INPP5A: variants seen among roughly 807,000 people sequenced by gnomAD.
INPP5A encodes 43 kDa inositol polyphosphate 5-phophatase.
A neutral mutation model predicts 65.2 loss-of-function variants in INPP5A; 14 were observed. That is an observed-to-expected ratio of 0.21 (90% confidence interval 0.14 to 0.34). INPP5A has a LOEUF of 0.34. Among genes scored for constraint, INPP5A ranks in the 10% least tolerant of loss-of-function variants. INPP5A has a pLI of 1.00. For missense variants in INPP5A, 431 were observed against 545.6 expected (o/e 0.79, Z 2.09); for synonymous variants, 207 against 208.3 (o/e 0.99, Z 0.05).
At chr10:132,728,437 G>A (rs951605693) in intron 9 of INPP5A, among the ~76,000 whole-genome samples, 1 of 152,232 alleles carries the variant, frequency 6.6e-6, no homozygotes. Context: ...GAGGCTGTGC[G>A]GGACCCGGGA....
chr10:132,597,632 A>T (rs2071720748), intron 1 of INPP5A, among the ~76,000 whole-genome samples: 1 of 152,226 alleles, frequency 6.6e-6, no homozygotes, highest in Non-Finnish European at 1.5e-5. Flanking sequence ...CTGTATTAAC[A>T]TCTGTGTGCA....
intron 8 of INPP5A, among the ~76,000 whole-genome samples, chr10:132,719,831 A>G (rs866576007): frequency 0.017 from 995 of 57,002 alleles, no homozygotes; most frequent in Middle Eastern, 0.092. Flanking sequence ...ACCTTAGACG[A>G]CTGTCTTCAG....
intron 11 of INPP5A, among the ~76,000 whole-genome samples, chr10:132,750,255 TG>T (rs1443554032): frequency 1.3e-5 from 2 of 152,214 alleles, no homozygotes; most frequent in Non-Finnish European, 2.9e-5. Flanking sequence ...TTGCTGTGTG[TG>T]GGTCTGTGTG....
intron 9 of INPP5A, among the ~76,000 whole-genome samples, chr10:132,740,281 C>T (rs2148666): frequency 0.6 from 91,200 of 152,078 alleles, 28,137 homozygotes; most frequent in East Asian, 0.87. Flanking sequence ...TCAGTAGGCT[C>T]CATAGTTTTC....
chr10:132,779,216 G>C (rs1014428877), intron 13 of INPP5A, among the ~76,000 whole-genome samples: 3 of 152,270 alleles, frequency 2.0e-5, no homozygotes, highest in African/African-American at 7.2e-5. Context: ...GCTCGGCCTG[G>C]AGCCTGGCTG....
chr10:132,689,386 T>G (rs1452947762), intron 4 of INPP5A, among the ~76,000 whole-genome samples: 1 of 152,214 alleles, frequency 6.6e-6, no homozygotes, highest in East Asian at 1.9e-4. Flanking sequence ...AACTCTCCCC[T>G]GCTTTATCCC....
At position 132,678,268 on chromosome 10, in the gene INPP5A, G is replaced by A. The variant is rs552146218; in HGVS notation, c.307-12124G>A. On this transcript the variant is annotated intron_variant, in intron 4 of 15. Coordinates refer to ENST00000368594, the MANE Select transcript of INPP5A (RefSeq NM_005539.5). The surrounding 1 kb of genome is among the most constrained non-coding windows in gnomAD (Gnocchi z 4.1). ...GACGCCGCCTTGTCCAGTTGGGTCA[G>A]CCGCCCATGAGTTCATTATACAGGA... Among the ~76,000 whole-genome samples the A allele has an allele frequency of 5.9e-5, 9 of 152,332 alleles. No individual in the cohort carries two copies. Among genetic ancestry groups the A allele is most frequent in the African/African-American group, 1.9e-4 (8 of 41,570 alleles).
chr10:132,572,490 C>A (rs1590838551), intron 1 of INPP5A, among the ~76,000 whole-genome samples: 1 of 151,948 alleles, frequency 6.6e-6, no homozygotes, highest in African/African-American at 2.4e-5. Context: ...TGAGCACGCC[C>A]GCCCGGGGCT....
intron 9 of INPP5A, among the ~76,000 whole-genome samples, chr10:132,735,866 G>A (rs929804653): frequency 6.6e-5 from 10 of 152,252 alleles, no homozygotes; most frequent in East Asian, 1.9e-4. Flanking sequence ...CTCAGACCCC[G>A]AGGTGGAGAC....
At chr10:132,622,135 A>G (rs1302910550) in intron 2 of INPP5A, among the ~76,000 whole-genome samples, 1 of 152,246 alleles carries the variant, frequency 6.6e-6, no homozygotes, top group African/African-American at 2.4e-5. Context: ...AATATTTACA[A>G]TAGCAGTAAA....
rs919795679 is a variant in INPP5A, at chr10:132,545,357, G to C, written c.75+7186G>C. The stretch of plus-strand genomic sequence containing the variant: ...GCATTCGGAAGACTTTGACCAGATC[G>C]GGGCGGCTGAGGGGGCTGCCTACGG... On this transcript the variant is annotated intron_variant, in intron 1 of 15. Coordinates refer to ENST00000368594, the MANE Select transcript of INPP5A (RefSeq NM_005539.5). The surrounding 1 kb of genome is among the most constrained non-coding windows in gnomAD (Gnocchi z 4.6). Among the ~76,000 whole-genome samples, 5 of 152,192 alleles carry C rather than the reference G, an allele frequency of 3.3e-5. No individual in the cohort carries two copies. Among genetic ancestry groups the C allele is most frequent in the Non-Finnish European group, 5.9e-5 (4 of 68,034 alleles).
chr10:132,563,298 A>G (rs2071228597), intron 1 of INPP5A, among the ~76,000 whole-genome samples: 1 of 152,100 alleles, frequency 6.6e-6, no homozygotes, highest in African/African-American at 2.4e-5. Context: ...CCAATCTGTT[A>G]GGGAAGTGGG....
At chr10:132,640,065 C>T (rs898458305) in intron 2 of INPP5A, among the ~76,000 whole-genome samples, 5 of 152,174 alleles carry the variant, frequency 3.3e-5, no homozygotes, top group Non-Finnish European at 7.3e-5. Context: ...TTAGTGGTGG[C>T]ATCTGTCTGT....
In INPP5A at chr10:132,650,939, G is replaced by A. The variant is rs1481228220; in HGVS notation, c.306+434G>A. 1.3e-5 allele frequency among the ~76,000 whole-genome samples: 2 copies of A among 152,208 alleles called. No homozygotes were observed. The highest frequency in any genetic ancestry group is 2.1e-4 in the South Asian group (1 of 4,832). Reference sequence around the variant, plus strand: ...CTGATCCCTGAGTGTGCAGGGCTGGGGCGGTGTCCTGCCTCGGAGAGAGGC... The same window carrying A: ...CTGATCCCTGAGTGTGCAGGGCTGGAGCGGTGTCCTGCCTCGGAGAGAGGC... On this transcript the variant is annotated intron_variant, in intron 4 of 15. Coordinates refer to ENST00000368594, the MANE Select transcript of INPP5A (RefSeq NM_005539.5). This position sits in a 1 kb window ranked among gnomAD's most constrained non-coding sequence, Gnocchi z 5.5.
intron 1 of INPP5A, among the ~76,000 whole-genome samples, chr10:132,594,343 G>T (rs2071656284): frequency 6.6e-6 from 1 of 152,232 alleles, no homozygotes; most frequent in African/African-American, 2.4e-5. Context: ...CGTGGCTAGT[G>T]CAGGTCTAGA....
chr10:132,760,368 G>A (rs776200924), intron 11 of INPP5A, among the ~76,000 whole-genome samples: 5 of 152,382 alleles, frequency 3.3e-5, no homozygotes, highest in African/African-American at 4.8e-5. Flanking sequence ...TGCGAGGGGC[G>A]ATGGTCCTTC....
rs1039210347 is a variant in INPP5A, at chr10:132,555,802, T to C, written c.75+17631T>C. 3.3e-5 allele frequency among the ~76,000 whole-genome samples: 5 copies of C among 152,194 alleles called. No individual in the cohort carries two copies. Among genetic ancestry groups the C allele is most frequent in the African/African-American group, 9.7e-5 (4 of 41,428 alleles). ...GTTTTGTTGCCCTCAGCACGTGTGG[T>C]CTGCACAGACAGACCAGGGGGTGAC... is the stretch of plus-strand genomic sequence containing the variant. On this transcript the variant is annotated intron_variant, in intron 1 of 15. Transcript: ENST00000368594. This position sits in a 1 kb window ranked among gnomAD's most constrained non-coding sequence, Gnocchi z 4.4.
rs2072941168 is a variant in INPP5A, at chr10:132,674,754, A to G, written c.307-15638A>G. ...CAGTTCATGACATGCAGTTCAGGTCACACGGTGACTTGATGACCCATAGAC... is the reference window on the plus strand; with the variant it reads ...CAGTTCATGACATGCAGTTCAGGTCGCACGGTGACTTGATGACCCATAGAC... On this transcript the variant is annotated intron_variant, in intron 4 of 15. Coordinates refer to ENST00000368594, the MANE Select transcript of INPP5A (RefSeq NM_005539.5). The surrounding 1 kb of genome is among the most constrained non-coding windows in gnomAD (Gnocchi z 4.4). Among the ~76,000 whole-genome samples, 1 of 152,208 alleles carries G rather than the reference A, an allele frequency of 6.6e-6. No individual in the cohort carries two copies. Among genetic ancestry groups the G allele is most frequent in the Non-Finnish European group, 1.5e-5 (1 of 68,040 alleles).
rs201521122 is a variant in INPP5A at position 132,781,956 on chromosome 10, T to C, written c.*7+8T>C. Reference sequence around the variant, plus strand: ...TCGTGCAGTGACGTGGTGGTAAATATGACTCCTCCCTCCAGTTCAGCTTTT... The same window carrying C: ...TCGTGCAGTGACGTGGTGGTAAATACGACTCCTCCCTCCAGTTCAGCTTTT... On this transcript the variant is annotated splice_region_variant and intron_variant, in intron 15 of 15. Transcript: ENST00000368594. 2.2e-4 allele frequency: 360 copies of C among 1,613,318 alleles called. 3 individuals are homozygous for C. The highest frequency in any genetic ancestry group is 1.8e-3 in the Middle Eastern group (11 of 6,062).
Sources: gnomAD v4.1 joint callset for allele counts (sites outside exome capture counted in the v4.1 genomes callset) on GRCh38, gnomAD v4.1.1 for gene constraint, Gnocchi (gnomAD v3.1) non-coding constraint, MANE v1.5 for transcripts, NCBI Gene and HGNC (gene_info 2026-07-23, HGNC 2026-07-21) for gene names.